Variants in ZFYVE9 observed in about 807,000 individuals in gnomAD.
ZFYVE9 encodes the protein zinc finger FYVE domain-containing protein 9.
ZFYVE9 carries 43 observed loss-of-function variants against 126.7 expected under a neutral mutation model. The ratio of observed to expected loss-of-function variants is 0.34; its 90% CI spans 0.27 to 0.44. ZFYVE9 has a LOEUF of 0.44. Ranked by LOEUF, ZFYVE9 falls within the 20% of genes least tolerant of loss-of-function variation. The probability of loss-of-function intolerance (pLI) is 1.00; values close to 1 mark genes in which losing one functional copy is unlikely to be tolerated. For missense variants in ZFYVE9, 1,476 were observed against 1,697.0 expected, an observed-to-expected ratio of 0.87 and a Z score of 2.29; for synonymous variants, 521 against 597.4, an observed-to-expected ratio of 0.87 and a Z score of 1.87.
intron 13 of ZFYVE9, among the ~76,000 whole-genome samples, chr1:52,315,757 A>T (rs1008907013): frequency 1.3e-5 from 2 of 152,030 alleles, no homozygotes; most frequent in Non-Finnish European, 2.9e-5. Flanking sequence ...CAGCCATATT[A>T]AAAAAAATGA....
At chr1:52,336,230 C>T (rs1041408221) in intron 15 of ZFYVE9, among the ~76,000 whole-genome samples, 3 of 151,650 alleles carry the variant, frequency 2.0e-5, no homozygotes, top group Non-Finnish European at 4.4e-5. Flanking sequence ...TAGCTTTGGT[C>T]TTCTTTTGGT....
intron 13 of ZFYVE9, among the ~76,000 whole-genome samples, chr1:52,316,182 A>AG (rs1553135418): frequency 2.0e-5 from 3 of 148,158 alleles, no homozygotes; most frequent in Admixed American, 1.4e-4. Flanking sequence ...AAAAAAAAAA[A>AG]AAAAAAAAGA....
intron 10 of ZFYVE9, among the ~76,000 whole-genome samples, chr1:52,285,926 G>A (rs1419450491): frequency 3.9e-5 from 6 of 152,084 alleles, no homozygotes; most frequent in South Asian, 4.1e-4. Context: ...AGGCCAAGCC[G>A]GGTGGATCAC....
intron 1 of ZFYVE9, among the ~76,000 whole-genome samples, chr1:52,184,393 ATT>A (rs57242903): frequency 2.9e-3 from 333 of 115,052 alleles, no homozygotes; most frequent in African/African-American, 0.011. Context: ...AGTCCAGCTA[ATT>A]TTTTTTTTTT....
intron 10 of ZFYVE9, among the ~76,000 whole-genome samples, chr1:52,288,440 C>T (rs1645884559): frequency 6.6e-6 from 1 of 152,174 alleles, no homozygotes; most frequent in South Asian, 2.1e-4. Context: ...GCTGGGATTA[C>T]AGGCATGAGT....
chr1:52,264,448 G>T (rs1209995845), intron 5 of ZFYVE9, among the ~76,000 whole-genome samples: 1 of 152,140 alleles, frequency 6.6e-6, no homozygotes, highest in Non-Finnish European at 1.5e-5. Flanking sequence ...GTGGTAAAAA[G>T]AATATGGCCG....
chr1:52,151,818 A>G (rs1352273512), intron 1 of ZFYVE9, among the ~76,000 whole-genome samples: 1 of 151,886 alleles, frequency 6.6e-6, no homozygotes, highest in Non-Finnish European at 1.5e-5. Flanking sequence ...CTCTGAGCCC[A>G]TCCAGGATTT....
At chr1:52,316,180 A>AAAG (rs1646182860) in intron 13 of ZFYVE9, among the ~76,000 whole-genome samples, 1 of 146,752 alleles carries the variant, frequency 6.8e-6, no homozygotes, top group African/African-American at 2.5e-5. Context: ...AAAAAAAAAA[A>AAAG]AAAAAAAAAA....
At chr1:52,320,818 A>G (rs1416405367) in intron 13 of ZFYVE9, among the ~76,000 whole-genome samples, 1 of 152,214 alleles carries the variant, frequency 6.6e-6, no homozygotes, top group Non-Finnish European at 1.5e-5. Context: ...GTCAAAATTC[A>G]TCAAATTGTA....
intron 4 of ZFYVE9, among the ~76,000 whole-genome samples, chr1:52,256,050 T>G (rs565774866): frequency 6.7e-6 from 1 of 148,934 alleles, no homozygotes; most frequent in Non-Finnish European, 1.5e-5. Context: ...TCTTTCTCTC[T>G]CTCTCTCTCT....
chr1:52,262,914 A>G (rs895998652), intron 4 of ZFYVE9, among the ~76,000 whole-genome samples: 1 of 151,920 alleles, frequency 6.6e-6, no homozygotes, highest in African/African-American at 2.4e-5. Context: ...TCTTCTAATA[A>G]TACAAAAAAA....
intron 10 of ZFYVE9, among the ~76,000 whole-genome samples, chr1:52,290,335 A>AC (rs1645906320): frequency 6.6e-6 from 1 of 152,062 alleles, no homozygotes; most frequent in Admixed American, 6.6e-5. Context: ...TAATCCAGTC[A>AC]CCTCTCATGA....
Position 52,222,916 on chromosome 1 carries a change from G to A in ZFYVE9, c.-37+6442G>A, listed in dbSNP as rs900115713. Among the ~76,000 whole-genome samples the A allele has an allele frequency of 2.6e-5, 4 of 152,106 alleles. 1 individual carries two copies. Among genetic ancestry groups the A allele is most frequent in the Admixed American group, 2.6e-4 (4 of 15,278 alleles). On this transcript the variant is annotated intron_variant, in intron 2 of 18. Coordinates refer to ENST00000287727, the MANE Select transcript of ZFYVE9 (RefSeq NM_004799.4). Reference sequence around the variant, plus strand: ...TGGGAATTAATAAGAACTTAGTAGTGGCCGACTTATTCTTATATTTGACTT... The same window carrying A: ...TGGGAATTAATAAGAACTTAGTAGTAGCCGACTTATTCTTATATTTGACTT...
At chr1:52,198,125 T>TG (rs1553123736) in intron 1 of ZFYVE9, among the ~76,000 whole-genome samples, 6 of 122,012 alleles carry the variant, frequency 4.9e-5, no homozygotes, top group Non-Finnish European at 6.7e-5. Flanking sequence ...TTTTTGTTTG[T>TG]TTTTTTTTTT....
intron 5 of ZFYVE9, 86 bp from the exon 6 acceptor site, chr1:52,266,569 G>A (rs1645636072): frequency 8.5e-7 from 1 of 1,183,400 alleles, no homozygotes; most frequent in Non-Finnish European, 1.2e-6. Flanking sequence ...ATTAGGAGAA[G>A]CTGCATTATT....
At chr1:52,257,235 G>A (rs1645530898) in intron 4 of ZFYVE9, among the ~76,000 whole-genome samples, 1 of 152,138 alleles carries the variant, frequency 6.6e-6, no homozygotes, top group Non-Finnish European at 1.5e-5. Context: ...CCTATTATAT[G>A]CTACATTTTA....
intron 13 of ZFYVE9, among the ~76,000 whole-genome samples, chr1:52,330,335 C>T (rs1197162900): frequency 1.3e-5 from 2 of 152,160 alleles, no homozygotes; most frequent in African/African-American, 2.4e-5. Flanking sequence ...GAGATAGTGT[C>T]ACTGCACTCC....
rs1265164794 is a variant in ZFYVE9, at chr1:52,239,490, G to T, written c.2073G>T (p.Glu691Asp). Residue 691 changes from glutamate to aspartate, a missense_variant, in exon 4 of 19, where the codon GAG becomes GAT. Coordinates refer to ENST00000287727, the MANE Select transcript of ZFYVE9 (RefSeq NM_004799.4). ...SARKPFTTLG[E>D]VAPVWVPDSQ... is the part of the protein sequence containing the mutation. ...GAAAGCCATTCACCACTCTGGGTGAGGTGGCTCCAGTATGGGTACCGGATT... is the reference window on the plus strand; with the variant it reads ...GAAAGCCATTCACCACTCTGGGTGATGTGGCTCCAGTATGGGTACCGGATT... The T allele has an allele frequency of 2.5e-6, 4 of 1,614,122 alleles. No individual in the cohort carries two copies. The highest frequency in any genetic ancestry group is 1.6e-4 in the Middle Eastern group (1 of 6,062).
intron 10 of ZFYVE9, among the ~76,000 whole-genome samples, chr1:52,287,579 T>C (rs1167076732): frequency 6.6e-6 from 1 of 151,382 alleles, no homozygotes; most frequent in African/African-American, 2.4e-5. Flanking sequence ...AGTGCTGTTA[T>C]AAAAGGAGGG....
Sources: allele counts gnomAD v4.1 joint callset (sites outside exome capture counted in the v4.1 genomes callset), GRCh38; gene constraint gnomAD v4.1.1; transcripts MANE v1.5; gene names NCBI Gene and HGNC (gene_info 2026-07-23, HGNC 2026-07-21).